RBMS1: variants seen among roughly 807,000 people sequenced by gnomAD.
The protein encoded by RBMS1 is RNA binding motif single stranded interacting protein 1.
RBMS1 carries 17 observed loss-of-function variants against 62.3 expected under a neutral mutation model. The observed-to-expected ratio is 0.27, with a 90% confidence interval of 0.19 to 0.41. The LOEUF is 0.41. Ranked by LOEUF, RBMS1 falls within the 10% of genes least tolerant of loss-of-function variation. RBMS1 has a pLI of 1.00. For synonymous variants in RBMS1, 172 were observed against 170.0 expected, an observed-to-expected ratio of 1.01 and a Z score of -0.09; for missense variants, 334 against 504.5, an observed-to-expected ratio of 0.66 and a Z score of 3.24.
At chr2:160,473,783 A>G (rs1685020569) in intron 1 of RBMS1, among the ~76,000 whole-genome samples, 1 of 152,184 alleles carries the variant, frequency 6.6e-6, no homozygotes, top group Non-Finnish European at 1.5e-5. Flanking sequence ...CTCTCTTTCC[A>G]TATGCAAATA....
intron 1 of RBMS1, among the ~76,000 whole-genome samples, chr2:160,429,849 G>A (rs1309341271): frequency 1.3e-5 from 2 of 152,214 alleles, no homozygotes; most frequent in Non-Finnish European, 2.9e-5. Context: ...GTCCAGGACT[G>A]GAACCTGTTT....
intron 1 of RBMS1, among the ~76,000 whole-genome samples, chr2:160,389,269 T>C (rs1301635610): frequency 3.9e-5 from 6 of 152,182 alleles, no homozygotes. Context: ...CTGAGAAAAA[T>C]ACCAGAAAAT....
rs1019720322 is a variant in RBMS1, at chr2:160,440,024, C to G, written c.75+53265G>C. On this transcript the variant is annotated intron_variant, in intron 1 of 13. Transcript: ENST00000348849. ...GCAGCAGTACCGTCCAGCTTCGGCT[C>G]GGCATCAGAGGGAGACCGTGGAAAG... Among the ~76,000 whole-genome samples the G allele has an allele frequency of 8.0e-4, 111 of 138,888 alleles. 2 individuals carry two copies. The highest frequency in any genetic ancestry group is 7.2e-4 in the South Asian group (3 of 4,174). The allele number at this position is 138,888 out of a possible 152,430, so 91.1% of individuals were successfully genotyped here. A position where few individuals can be genotyped will look rare whatever the true frequency, so the allele number is the denominator to read the frequency against.
intron 1 of RBMS1, among the ~76,000 whole-genome samples, chr2:160,490,677 C>T (rs1685786059): frequency 6.6e-6 from 1 of 152,110 alleles, no homozygotes; most frequent in Non-Finnish European, 1.5e-5. Context: ...GCATATATAA[C>T]TTTTAAAAGT....
rs141463755 is a variant in RBMS1, at chr2:160,431,966, T to C, written c.75+61323A>G. Among the ~76,000 whole-genome samples, 360 of 152,324 alleles carry C rather than the reference T, an allele frequency of 2.4e-3. 1 individual carries two copies. Among genetic ancestry groups the C allele is most frequent in the Admixed American group, 3.8e-3 (58 of 15,292 alleles). On this transcript the variant is annotated intron_variant, in intron 1 of 13. Transcript: ENST00000348849. ...TTTAATGTCCATCCTTTCTGCCTCA[T>C]TATAAAAGCTCTTTGAGAAACGGGG...
At chr2:160,398,146 A>C (rs1165433785) in intron 1 of RBMS1, among the ~76,000 whole-genome samples, 1 of 152,208 alleles carries the variant, frequency 6.6e-6, no homozygotes, top group African/African-American at 2.4e-5. Context: ...CATGTGGACA[A>C]GTTAAAATGG....
chr2:160,388,773 C>T (rs1253333944), intron 1 of RBMS1, among the ~76,000 whole-genome samples: 2 of 152,200 alleles, frequency 1.3e-5, no homozygotes, highest in Non-Finnish European at 2.9e-5. Flanking sequence ...ACCCTCCCTG[C>T]GATGCGAGAG....
intron 6 of RBMS1, among the ~76,000 whole-genome samples, chr2:160,297,543 T>C (rs1453171297): frequency 1.3e-5 from 2 of 152,242 alleles, no homozygotes; most frequent in African/African-American, 4.8e-5. Context: ...AAGGAGCTTC[T>C]AGTTTAGTGG....
intron 1 of RBMS1, among the ~76,000 whole-genome samples, chr2:160,435,195 C>T (rs1044662454): frequency 2.0e-5 from 3 of 152,208 alleles, no homozygotes; most frequent in African/African-American, 7.2e-5. Context: ...TGGATATACA[C>T]TCTGTTGAGA....
rs556047783 is a variant in RBMS1, at chr2:160,307,441, T to C, written c.403-3954A>G. On this transcript the variant is annotated intron_variant, in intron 4 of 13. Transcript: ENST00000348849. The stretch of plus-strand genomic sequence containing the variant: ...GGATTTGCTGACCCCCATCAGGCCA[T>C]AGGAGGAAATGAAAGGCCTACAGAA... 1.3e-4 allele frequency among the ~76,000 whole-genome samples: 19 copies of C among 147,964 alleles called. No homozygotes were observed. The South Asian group carries it at 1.5e-3, about 12-fold the overall frequency.
chr2:160,384,170 C>T (rs1055781183), intron 1 of RBMS1, among the ~76,000 whole-genome samples: 1 of 152,178 alleles, frequency 6.6e-6, no homozygotes, highest in African/African-American at 2.4e-5. Flanking sequence ...GCACTCCAGC[C>T]TGGGCGAGGG....
intron 6 of RBMS1, among the ~76,000 whole-genome samples, chr2:160,290,396 G>A (rs1688620274): frequency 6.6e-6 from 1 of 151,918 alleles, no homozygotes; most frequent in Non-Finnish European, 1.5e-5. Flanking sequence ...CTATATGCAT[G>A]GTTACTTTTC....
chr2:160,454,118 C>G (rs1182414802), intron 1 of RBMS1, among the ~76,000 whole-genome samples: 5 of 152,192 alleles, frequency 3.3e-5, no homozygotes. Flanking sequence ...TTGCTACATC[C>G]AGATCATATC....
At chr2:160,407,621 C>G (rs553064072) in intron 1 of RBMS1, 54 of 982,222 alleles carry the variant, frequency 5.5e-5, no homozygotes, top group Non-Finnish European at 1.2e-6. Flanking sequence ...GGTGGCCGGC[C>G]GGGCCCGGGG....
Position 160,438,265 on chromosome 2 carries a change from T to C in RBMS1, c.75+55024A>G, listed in dbSNP as rs912774895. ...TCTTCAGAGGCTCAATACTTTCTTT[T>C]TTTTTTTTTTTTTATTGATCATTCT... is the stretch of plus-strand genomic sequence containing the variant. On this transcript the variant is annotated intron_variant, in intron 1 of 13. Transcript: ENST00000348849. Among the ~76,000 whole-genome samples the C allele has an allele frequency of 2.1e-4, 32 of 151,668 alleles. 1 individual carries two copies. In the South Asian group the frequency reaches 3.1e-3, roughly 15 times the overall value.
At position 160,284,533 on chromosome 2, in the gene RBMS1, C is replaced by A. The variant is rs540682023; in HGVS notation, c.900+242G>T. The A allele has an allele frequency of 2.7e-5, 13 of 482,192 alleles. 1 individual carries two copies. Among genetic ancestry groups the A allele is most frequent in the Admixed American group, 7.1e-5 (2 of 28,252 alleles). 29.9% of individuals were successfully genotyped at this position (482,192 alleles called of 1,614,324 possible). Reference sequence around the variant, plus strand: ...GTGAAGGAAGTGTTTGGGTTCATTCCAATCCAAAATGCTATGATTCCAAGG... The same window carrying A: ...GTGAAGGAAGTGTTTGGGTTCATTCAAATCCAAAATGCTATGATTCCAAGG... On this transcript the variant is annotated intron_variant, in intron 9 of 13. Transcript: ENST00000348849.
At chr2:160,328,472 T>C (rs1691075394) in intron 2 of RBMS1, among the ~76,000 whole-genome samples, 1 of 151,692 alleles carries the variant, frequency 6.6e-6, no homozygotes, top group Non-Finnish European at 1.5e-5. Context: ...AATATAAACA[T>C]GTAATATGAT....
intron 1 of RBMS1, among the ~76,000 whole-genome samples, chr2:160,467,962 A>C (rs1684762856): frequency 6.6e-6 from 1 of 152,222 alleles, no homozygotes; most frequent in African/African-American, 2.4e-5. Flanking sequence ...GTGTGGTACA[A>C]GAAAACCTCA....
chr2:160,428,602 C>T (rs955855388), intron 1 of RBMS1, among the ~76,000 whole-genome samples: 1 of 152,090 alleles, frequency 6.6e-6, no homozygotes, highest in Non-Finnish European at 1.5e-5. Context: ...TGGGTGTCAA[C>T]CTACGAGACA....
Sources: gnomAD v4.1 joint callset for allele counts (sites outside exome capture counted in the v4.1 genomes callset) on GRCh38, gnomAD v4.1.1 for gene constraint, MANE v1.5 for transcripts, NCBI Gene and HGNC (gene_info 2026-07-23, HGNC 2026-07-21) for gene names.